Variants in ARHGAP23 observed in about 807,000 individuals in gnomAD.
ARHGAP23 encodes rho GTPase-activating protein 23.
In ARHGAP23, 34 loss-of-function variants were observed where a neutral mutation model predicts 136.3. The ratio of observed to expected loss-of-function variants is 0.25; its 90% CI spans 0.19 to 0.33. The LOEUF (loss-of-function observed/expected upper bound fraction) is 0.33. Ranked by LOEUF, ARHGAP23 falls within the 10% of genes least tolerant of loss-of-function variation. The pLI, the probability that ARHGAP23 is intolerant of heterozygous loss-of-function variation, is 1.00. For missense variants in ARHGAP23, 1,808 were observed against 2,139.0 expected (o/e 0.85, Z 3.05); for synonymous variants, 832 against 920.5 (o/e 0.90, Z 1.74).
Position 38,466,665 on chromosome 17 carries a change from C to T in ARHGAP23, c.982C>T (p.Pro328Ser), listed in dbSNP as rs2039607118. ...DRLEEVAAPR[P>S]WPCSTSQDAL... ...GTTGGAGGAGGTGGCTGCCCCCCGCCCGTGGCCCTGCTCCACCTCCCAGGA... is the reference window on the plus strand; with the variant it reads ...GTTGGAGGAGGTGGCTGCCCCCCGCTCGTGGCCCTGCTCCACCTCCCAGGA... The change falls in exon 7 of 24, where the codon CCG becomes TCG. Residue 328 changes from proline to serine, a missense_variant. Coordinates refer to ENST00000622683, the MANE Select transcript of ARHGAP23 (RefSeq NM_001199417.2). The T allele has an allele frequency of 2.0e-6, 3 of 1,513,480 alleles. No homozygotes were observed. The highest frequency in any genetic ancestry group is 1.4e-5 in the African/African-American group (1 of 72,584). The allele number at this position is 1,513,480 out of a possible 1,614,324, so 93.8% of individuals were successfully genotyped here.
At chr17:38,451,872 G>T (rs2039177599) in intron 1 of ARHGAP23, 1 of 152,564 alleles carries the variant, frequency 6.6e-6, no homozygotes, top group African/African-American at 2.4e-5. Context: ...TGGAGATGGC[G>T]CGTCCTGCTC....
In ARHGAP23 at chr17:38,462,959, C is replaced by A. The variant is rs2144628180; in HGVS notation, c.349+18C>A. ...TCGCACAGGTGAGCTGGCCCAGTTACCTGGGCTCTACTTTCTACCTTCTGG... is the reference window on the plus strand; with the variant it reads ...TCGCACAGGTGAGCTGGCCCAGTTAACTGGGCTCTACTTTCTACCTTCTGG... On this transcript the variant is annotated intron_variant, in intron 4 of 23. Transcript: ENST00000622683. 6.5e-7 allele frequency: 1 copy of A among 1,544,222 alleles called. No individual in the cohort carries two copies. The highest frequency in any genetic ancestry group is 2.4e-5 in the East Asian group (1 of 40,878).
chr17:38,420,018 G>A (rs1211775502), intron 1 of ARHGAP23, among the ~76,000 whole-genome samples: 2 of 152,210 alleles, frequency 1.3e-5, no homozygotes, highest in Non-Finnish European at 2.9e-5. Flanking sequence ...CCCAAAGGCA[G>A]AGCTGCAGCC....
rs1021690297 is a variant in ARHGAP23 at position 38,510,993 on chromosome 17, C to T, written c.*21C>T. On this transcript the variant is annotated 3_prime_UTR_variant, in exon 24 of 24. Coordinates refer to ENST00000622683, the MANE Select transcript of ARHGAP23 (RefSeq NM_001199417.2). The surrounding 1 kb of genome is among the most constrained non-coding windows in gnomAD (Gnocchi z 4.6). ...TGTGATCCCCACCTCCCGCGCCGCT[C>T]GGGCGCCACCCCTCCCTAGAGCCCC... The T allele has an allele frequency of 1.4e-5, 19 of 1,405,854 alleles. No individual in the cohort carries two copies. The Admixed American group carries it at 5.1e-4, about 38-fold the overall frequency. The allele number at this position is 1,405,854 out of a possible 1,614,324, so 87.1% of individuals were successfully genotyped here. A position where few individuals can be genotyped will look rare whatever the true frequency, so the allele number is the denominator to read the frequency against.
chr17:38,437,570 T>C (rs920404015), intron 1 of ARHGAP23, among the ~76,000 whole-genome samples: 2 of 151,854 alleles, frequency 1.3e-5, no homozygotes, highest in African/African-American at 4.8e-5. Context: ...TGAGCTATGA[T>C]TGCACTGCTG....
intron 20 of ARHGAP23, among the ~76,000 whole-genome samples, chr17:38,491,930 T>C (rs2040288467): frequency 6.6e-6 from 1 of 152,284 alleles, no homozygotes; most frequent in Admixed American, 6.5e-5. Context: ...TCTGGCCTGA[T>C]ATCAGGAGGC....
chr17:38,509,842 G>A, intron 23 of ARHGAP23, 102 bp from the exon 24 acceptor site: 1 of 954,292 alleles, frequency 1.0e-6, no homozygotes, highest in Non-Finnish European at 1.4e-6. Context: ...GCTGGGGCTT[G>A]TGGCGACTGG....
intron 20 of ARHGAP23, among the ~76,000 whole-genome samples, chr17:38,497,341 T>C (rs1297594722): frequency 6.6e-6 from 1 of 152,190 alleles, no homozygotes; most frequent in Non-Finnish European, 1.5e-5. Flanking sequence ...CACCCATGGG[T>C]GGCAGGTGGC....
At chr17:38,460,816 C>T (rs1035981578) in intron 2 of ARHGAP23, 89 bp from the exon 3 acceptor site, 3 of 1,535,372 alleles carry the variant, frequency 2.0e-6, no homozygotes, top group East Asian at 4.9e-5. Flanking sequence ...GTGGCGGGAA[C>T]CTGAAGGGGC....
chr17:38,433,157 G>T (rs2038721393), intron 1 of ARHGAP23, among the ~76,000 whole-genome samples: 1 of 152,020 alleles, frequency 6.6e-6, no homozygotes, highest in Non-Finnish European at 1.5e-5. Flanking sequence ...ACAGGGTTTT[G>T]CCATGTTGCC....
rs544606723 is a variant in ARHGAP23, at chr17:38,469,614, G to A, written c.1895G>A (p.Arg632His). The change falls in exon 9 of 24, where the codon CGC becomes CAC. Residue 632 changes from arginine (R) to histidine (H), a missense_variant. Arg to His is a conservative substitution (Grantham distance 29). This residue lies in a region of ARHGAP23 where 859 missense variants were observed against 936.4 expected (regional missense o/e 0.92). Transcript: ENST00000622683. ...TGCGATGATGGACTCAACACCTTCC[G>A]CGACGAGGGCCGGGTTCTGCGGTGA... Reference protein sequence around the residue: ...KSCDDGLNTFRDEGRVLRRLP... With the variant: ...KSCDDGLNTFHDEGRVLRRLP... The A allele has an allele frequency of 1.1e-5, 17 of 1,548,766 alleles. No individual in the cohort carries two copies. The highest frequency in any genetic ancestry group is 2.3e-4 in the Middle Eastern group (1 of 4,360).
chr17:38,504,978 C>CTTTTTTTTTTTTTTTTTT lies in ARHGAP23; in HGVS notation c.3447+4378_3447+4395dup, dbSNP rs71138627. Among the ~76,000 whole-genome samples, 3 of 43,168 alleles carry CTTTTTTTTTTTTTTTTTT rather than the reference C, an allele frequency of 6.9e-5. 1 individual carries two copies. Among genetic ancestry groups the CTTTTTTTTTTTTTTTTTT allele is most frequent in the Non-Finnish European group, 9.9e-5 (2 of 20,290 alleles). The allele number at this position is 43,168 out of a possible 152,430, so 28.3% of individuals were successfully genotyped here. A position where few individuals can be genotyped will look rare whatever the true frequency, so the allele number is the denominator to read the frequency against. ...ATTACTCAGAAGCCTCCCTTATCAT[C>CTTTTTTTTTTTTTTTTTT]TTTTTTTTTTTTTTTTTTTTTTTTT... is the stretch of plus-strand genomic sequence containing the variant. On this transcript the variant is annotated intron_variant, in intron 23 of 23. Coordinates refer to ENST00000622683, the MANE Select transcript of ARHGAP23 (RefSeq NM_001199417.2).
At chr17:38,426,550 C>CAAAAAAAAAAAAAAAAAAAAAAAAA (rs751365956), upstream of ARHGAP23, among the ~76,000 whole-genome samples, 26 of 51,210 alleles carry the variant, frequency 5.1e-4, 2 homozygotes, top group East Asian at 9.6e-4. Context: ...AACTCCATCT[C>CAAAAAAAAAAAAAAAAAAAAAAAAA]AAAAAAAAAA....
In ARHGAP23 at chr17:38,490,112, C is replaced by G. The variant is rs1359813912; in HGVS notation, c.2997C>G (p.Asn999Lys). 10 of 1,551,598 alleles carry G rather than the reference C, an allele frequency of 6.4e-6. No individual in the cohort carries two copies. In the East Asian group the frequency reaches 2.0e-4, roughly 30 times the overall value. ...TCCGCTGTGTTCTAGACAAATACAA[C>G]GACTTCATCGAGGCCAACCGCATTG... Reference protein sequence around the residue: ...PEPLFTDDKYNDFIEANRIED... With the variant: ...PEPLFTDDKYKDFIEANRIED... Residue 999 changes from asparagine to lysine, a missense_variant, in exon 18 of 24, where the codon AAC (asparagine) becomes AAG (lysine). Transcript: ENST00000622683.
intron 1 of ARHGAP23, among the ~76,000 whole-genome samples, chr17:38,446,971 G>A (rs140305412): frequency 5.9e-5 from 9 of 152,010 alleles, no homozygotes; most frequent in Admixed American, 2.6e-4. Context: ...GTGCCATCAC[G>A]TTTGGCCAAT....
intron 14 of ARHGAP23, among the ~76,000 whole-genome samples, chr17:38,480,962 A>G (rs1204467710): frequency 6.6e-6 from 1 of 151,808 alleles, no homozygotes; most frequent in Non-Finnish European, 1.5e-5. Context: ...GAAAGGTCCT[A>G]TCCCTACAAA....
At chr17:38,438,086 GC>G (rs1215078055) in intron 1 of ARHGAP23, among the ~76,000 whole-genome samples, 2 of 152,178 alleles carry the variant, frequency 1.3e-5, no homozygotes. Context: ...ACTTTTGGGG[GC>G]CAAGGTGGGC....
Position 38,466,473 on chromosome 17 carries a change from C to A in ARHGAP23, c.790C>A (p.Pro264Thr), listed in dbSNP as rs1206924367. The A allele has an allele frequency of 2.6e-6, 4 of 1,518,038 alleles. No individual in the cohort carries two copies. Among genetic ancestry groups the A allele is most frequent in the Non-Finnish European group, 2.6e-6 (3 of 1,135,728 alleles). 94.0% of individuals were successfully genotyped at this position (1,518,038 alleles called of 1,614,324 possible). The change falls in exon 7 of 24, where the codon CCC becomes ACC. Residue 264 changes from proline (P) to threonine (T), a missense_variant. Coordinates refer to ENST00000622683, the MANE Select transcript of ARHGAP23 (RefSeq NM_001199417.2). ...PGAFPHLSSEPRTPRAFPEPG... is the reference protein window; with the variant it reads ...PGAFPHLSSETRTPRAFPEPG... ...TGCCTTCCCCCACCTCTCCTCGGAGCCCCGGACGCCCCGTGCCTTCCCAGA... is the reference window on the plus strand; with the variant it reads ...TGCCTTCCCCCACCTCTCCTCGGAGACCCGGACGCCCCGTGCCTTCCCAGA...
rs1242984673 is a variant in ARHGAP23, at chr17:38,477,699, G to A, written c.2239G>A (p.Gly747Ser). ...GPAAAGAAAA[G>S]AGEDEAAPVC... The stretch of plus-strand genomic sequence containing the variant: ...GGCGGCGGCGGGGGCTGCGGCGGCC[G>A]GCGCAGGTGAGGACGAGGCGGCGCC... Residue 747 changes from glycine (G) to serine (S), a missense_variant, in exon 12 of 24, where the codon GGC becomes AGC. Gly to Ser is a moderately conservative substitution (Grantham distance 56, BLOSUM62 0). Around this residue, in one of 7 missense-constraint regions of ARHGAP23, gnomAD observed 139 missense variants for 264.3 expected, o/e 0.53. Coordinates refer to ENST00000622683, the MANE Select transcript of ARHGAP23 (RefSeq NM_001199417.2). This position sits in a 1 kb window ranked among gnomAD's most constrained non-coding sequence, Gnocchi z 6.6. 2.8e-6 allele frequency: 4 copies of A among 1,438,804 alleles called. No individual in the cohort carries two copies. The highest frequency in any genetic ancestry group is 2.7e-6 in the Non-Finnish European group (3 of 1,092,920). 89.1% of individuals were successfully genotyped at this position (1,438,804 alleles called of 1,614,324 possible). A position where few individuals can be genotyped will look rare whatever the true frequency, so the allele number is the denominator to read the frequency against.
Sources: allele counts gnomAD v4.1 joint callset (sites outside exome capture counted in the v4.1 genomes callset), GRCh38; gene constraint gnomAD v4.1.1; regional missense constraint gnomAD v4.1.1; non-coding constraint Gnocchi (gnomAD v3.1); transcripts MANE v1.5; gene names NCBI Gene and HGNC (gene_info 2026-07-23, HGNC 2026-07-21).